ZNF654: variants seen among roughly 807,000 people sequenced by gnomAD.
The protein encoded by ZNF654 is zinc finger protein 654.
ZNF654 carries 19 observed loss-of-function variants against 95.3 expected under a neutral mutation model. The observed-to-expected ratio is 0.20, with a 90% CI of 0.14 to 0.29. The LOEUF (loss-of-function observed/expected upper bound fraction) is 0.29, where lower values mean the gene tolerates loss of function less well. Ranked by LOEUF, ZNF654 falls within the 10% of genes least tolerant of loss-of-function variation. The probability of loss-of-function intolerance (pLI) is 1.00; values close to 1 mark genes in which losing one functional copy is unlikely to be tolerated. For missense variants in ZNF654, 1,046 were observed against 1,341.0 expected (o/e 0.78, Z 3.44); for synonymous variants, 413 against 457.9 (o/e 0.90, Z 1.25).
chr3:88,098,288 T>C (rs889967224), intron 2 of ZNF654, among the ~76,000 whole-genome samples: 11 of 152,244 alleles, frequency 7.2e-5, no homozygotes, highest in African/African-American at 2.6e-4. Flanking sequence ...CAGGAAGAAG[T>C]TGAATCTCTG....
chr3:88,141,119 T>A (rs1473471647), intron 8 of ZNF654, 71 bp downstream of exon 8: 2 of 1,497,130 alleles, frequency 1.3e-6, no homozygotes, highest in East Asian at 4.5e-5. Context: ...CTATTATAGA[T>A]CTTTGAGATT....
intron 2 of ZNF654, among the ~76,000 whole-genome samples, chr3:88,092,272 A>C (rs905482174): frequency 3.9e-5 from 6 of 152,218 alleles, no homozygotes; most frequent in African/African-American, 1.4e-4. Context: ...TTGGTCATTT[A>C]TTCTGTAAAG....
chr3:88,105,318 C>A (rs1266675748), intron 2 of ZNF654, among the ~76,000 whole-genome samples: 1 of 152,080 alleles, frequency 6.6e-6, no homozygotes, highest in Admixed American at 6.6e-5. Context: ...TCTTGGAGAT[C>A]ATTCCACAGT....
chr3:88,083,803 A>G (rs1484737396), intron 1 of ZNF654, among the ~76,000 whole-genome samples: 1 of 152,142 alleles, frequency 6.6e-6, no homozygotes, highest in Non-Finnish European at 1.5e-5. Context: ...TAGAATACCA[A>G]AAAAGAAAAA....
intron 2 of ZNF654, among the ~76,000 whole-genome samples, chr3:88,093,593 G>C (rs181485916): frequency 6.6e-6 from 1 of 152,284 alleles, no homozygotes; most frequent in African/African-American, 2.4e-5. Context: ...AGCTAAGTGG[G>C]TATAATCAGT....
At chr3:88,079,952 GT>G (rs1156256756) in intron 1 of ZNF654, among the ~76,000 whole-genome samples, 4 of 150,882 alleles carry the variant, frequency 2.7e-5, no homozygotes, top group South Asian at 2.1e-4. Flanking sequence ...CCATTTTGGT[GT>G]TTTTTTTTAA....
At chr3:88,117,688 C>G (rs1216482811) in intron 3 of ZNF654, among the ~76,000 whole-genome samples, 1 of 151,844 alleles carries the variant, frequency 6.6e-6, no homozygotes, top group African/African-American at 2.4e-5. Flanking sequence ...AAGGAAAATA[C>G]AAATTGTAAA....
At chr3:88,096,317 A>G (rs1704055963) in intron 2 of ZNF654, among the ~76,000 whole-genome samples, 1 of 152,262 alleles carries the variant, frequency 6.6e-6, no homozygotes, top group African/African-American at 2.4e-5. Context: ...AAGTATTACT[A>G]GAGCCCACAG....
intron 6 of ZNF654, among the ~76,000 whole-genome samples, chr3:88,133,472 T>C (rs967001671): frequency 1.1e-4 from 16 of 152,162 alleles, no homozygotes; most frequent in African/African-American, 3.9e-4. Flanking sequence ...AGAGGGATCT[T>C]TTCTGAAGTG....
Position 88,086,250 on chromosome 3 carries a change from C to T in ZNF654, c.187-7C>T. 2 of 1,531,304 alleles carry T rather than the reference C, an allele frequency of 1.3e-6. No homozygotes were observed. The highest frequency in any genetic ancestry group is 1.7e-6 in the Non-Finnish European group (2 of 1,145,842). The allele number at this position is 1,531,304 out of a possible 1,614,324, so 94.9% of individuals were successfully genotyped here. On this transcript the variant is annotated splice_polypyrimidine_tract_variant and splice_region_variant and intron_variant, in intron 1 of 8. Transcript: ENST00000636215. Reference sequence around the variant, plus strand: ...CTATAGTAATGTCTGGATTGCTTCTCTGTCAGGTGGTTGAAGATTATGCTG... The same window carrying T: ...CTATAGTAATGTCTGGATTGCTTCTTTGTCAGGTGGTTGAAGATTATGCTG...
At chr3:88,062,013 CTTCTT>C (rs955472614) in intron 1 of ZNF654, among the ~76,000 whole-genome samples, 8 of 152,170 alleles carry the variant, frequency 5.3e-5, no homozygotes, top group African/African-American at 1.7e-4. Context: ...GGAAGGAACA[CTTCTT>C]TTCCAGAGGG....
rs1040675495 is a variant in ZNF654 at position 88,142,196 on chromosome 3, C to T, written c.*544C>T. The T allele has an allele frequency of 2.0e-5, 3 of 152,178 alleles. No individual in the cohort carries two copies. The highest frequency in any genetic ancestry group is 7.3e-5 in the African/African-American group (3 of 41,368). 9.4% of individuals were successfully genotyped at this position (152,178 alleles called of 1,614,324 possible). Reference sequence around the variant, plus strand: ...ATTTAGAAACTTATACATTAACTTACCACAGTGCTATCAATTAAAGATTGT... The same window carrying T: ...ATTTAGAAACTTATACATTAACTTATCACAGTGCTATCAATTAAAGATTGT... On this transcript the variant is annotated 3_prime_UTR_variant, in exon 9 of 9. Transcript: ENST00000636215.
chr3:88,119,215 A>G (rs1705605611), intron 3 of ZNF654, among the ~76,000 whole-genome samples: 2 of 147,754 alleles, frequency 1.4e-5, no homozygotes, highest in African/African-American at 2.5e-5. Flanking sequence ...ATAAAAAATG[A>G]TGAGTTCATG....
chr3:88,068,029 C>G (rs1707301264), intron 1 of ZNF654, among the ~76,000 whole-genome samples: 1 of 152,028 alleles, frequency 6.6e-6, no homozygotes, highest in Non-Finnish European at 1.5e-5. Context: ...GGACAACACT[C>G]AAAGCACAAG....
At chr3:88,071,521 C>T (rs1278158930) in intron 1 of ZNF654, among the ~76,000 whole-genome samples, 1 of 152,196 alleles carries the variant, frequency 6.6e-6, no homozygotes, top group Non-Finnish European at 1.5e-5. Flanking sequence ...TAGCGGGCGC[C>T]TGTAGTCCCA....
rs1707183217 is a variant in ZNF654 at position 88,142,557 on chromosome 3, A to AT, written c.*907dup. 1 of 151,456 alleles carries AT rather than the reference A, an allele frequency of 6.6e-6. No homozygotes were observed. The highest frequency in any genetic ancestry group is 2.5e-5 in the African/African-American group (1 of 40,568). 9.4% of individuals were successfully genotyped at this position (151,456 alleles called of 1,614,324 possible). A position where few individuals can be genotyped will look rare whatever the true frequency, so the allele number is the denominator to read the frequency against. ...CTTCTGTTTGTGTATATGTTGGGAC[A>AT]TTGCTTGATGATTCATAGTAAGGTC... On this transcript the variant is annotated 3_prime_UTR_variant, in exon 9 of 9. Coordinates refer to ENST00000636215, the MANE Select transcript of ZNF654 (RefSeq NM_001350134.2).
chr3:88,141,111 A>G (rs932092644), intron 8 of ZNF654, 63 bp downstream of exon 8: 6 of 1,508,146 alleles, frequency 4.0e-6, no homozygotes, highest in Admixed American at 2.3e-5. Flanking sequence ...AAATAAAACT[A>G]TTATAGATCT....
intron 1 of ZNF654, among the ~76,000 whole-genome samples, chr3:88,068,707 G>C (rs1344662276): frequency 2.0e-5 from 3 of 152,098 alleles, no homozygotes; most frequent in Non-Finnish European, 4.4e-5. Flanking sequence ...ATTGTGATAA[G>C]TTGTTTACCT....
intron 1 of ZNF654, among the ~76,000 whole-genome samples, chr3:88,085,967 A>T (rs564207264): frequency 1.3e-5 from 2 of 152,352 alleles, no homozygotes; most frequent in Admixed American, 1.3e-4. Flanking sequence ...TTTTCACAAA[A>T]GCTGGATATA....
Sources: allele counts gnomAD v4.1 joint callset (sites outside exome capture counted in the v4.1 genomes callset), GRCh38; gene constraint gnomAD v4.1.1; transcripts MANE v1.5; gene names NCBI Gene and HGNC (gene_info 2026-07-23, HGNC 2026-07-21).